DIAPH1: variants seen among roughly 807,000 people sequenced by gnomAD.
DIAPH1 encodes the protein diaphanous related formin 1, also known as protein diaphanous homolog 1.
In DIAPH1, 46 loss-of-function variants were observed where a neutral mutation model predicts 140.7. The observed-to-expected ratio is 0.33, with a 90% CI of 0.26 to 0.42. DIAPH1 has a LOEUF of 0.42. Among genes scored for constraint, DIAPH1 ranks in the 10% least tolerant of loss-of-function variants. The pLI, the probability that DIAPH1 is intolerant of heterozygous loss-of-function variation, is 1.00. For missense variants in DIAPH1, 1,310 were observed against 1,558.7 expected (o/e 0.84, Z 2.69); for synonymous variants, 565 against 551.6 (o/e 1.02, Z -0.34).
chr5:141,606,142 G>C (rs1308762122), intron 1 of DIAPH1, among the ~76,000 whole-genome samples: 1 of 151,860 alleles, frequency 6.6e-6, no homozygotes, highest in Non-Finnish European at 1.5e-5. Flanking sequence ...TATAGCTCTG[G>C]GTGGGAGTAT....
At chr5:141,522,598 A>C (rs1036329718) in intron 27 of DIAPH1, among the ~76,000 whole-genome samples, 2 of 149,516 alleles carry the variant, frequency 1.3e-5, no homozygotes, top group Non-Finnish European at 3.0e-5. Flanking sequence ...AAAAAAAAAA[A>C]CAATAAGATG....
intron 18 of DIAPH1, among the ~76,000 whole-genome samples, chr5:141,559,264 G>C: frequency 6.6e-6 from 1 of 152,184 alleles, no homozygotes; most frequent in East Asian, 1.9e-4. Flanking sequence ...GATAAATTCA[G>C]CACTTTAAAA....
chr5:141,612,463 A>G (rs73794941), intron 1 of DIAPH1, among the ~76,000 whole-genome samples: 11,014 of 152,346 alleles, frequency 0.072, 407 homozygotes, highest in South Asian at 0.12. Context: ...ATGTAATAGT[A>G]CTCAGCAATA....
At chr5:141,601,992 G>T (rs1400556456) in intron 1 of DIAPH1, among the ~76,000 whole-genome samples, 2 of 152,140 alleles carry the variant, frequency 1.3e-5, no homozygotes, top group African/African-American at 4.8e-5. Flanking sequence ...TATCACTACA[G>T]CCAAAAATAA....
intron 15 of DIAPH1, 111 bp from the exon 16 acceptor site, chr5:141,574,319 G>A (rs376725949): frequency 4.7e-6 from 5 of 1,068,962 alleles, no homozygotes; most frequent in South Asian, 1.4e-5. Flanking sequence ...ACAAATGGAG[G>A]AACTGAGAGG....
At chr5:141,577,308 T>C (rs2099896116) in intron 12 of DIAPH1, among the ~76,000 whole-genome samples, 167 bp downstream of exon 12, 1 of 152,192 alleles carries the variant, frequency 6.6e-6, no homozygotes. Flanking sequence ...TGCCTTTGAG[T>C]TGGATTAAAG....
chr5:141,534,863 T>TTAG (rs1186023488), intron 18 of DIAPH1, among the ~76,000 whole-genome samples: 1 of 152,194 alleles, frequency 6.6e-6, no homozygotes, highest in Non-Finnish European at 1.5e-5. Context: ...GAACAGTTGG[T>TTAG]TAGTAGTAGT....
chr5:141,516,688 C>G lies in DIAPH1; in HGVS notation c.*163G>C. The G allele has an allele frequency of 3.8e-6, 3 of 785,270 alleles. No homozygotes were observed. The South Asian group carries it at 4.7e-5, about 12-fold the overall frequency. 48.6% of individuals were successfully genotyped at this position (785,270 alleles called of 1,614,324 possible). A position where few individuals can be genotyped will look rare whatever the true frequency, so the allele number is the denominator to read the frequency against. On this transcript the variant is annotated 3_prime_UTR_variant, in exon 28 of 28. Coordinates refer to ENST00000389054, the MANE Select transcript of DIAPH1 (RefSeq NM_005219.5). ...CCTTCTGGCCTCCAGGCAGCTGAAG[C>G]TGTATGTGATGTTGAGAGAGCAGCA...
chr5:141,617,963 G>A (rs2099902949), intron 1 of DIAPH1, among the ~76,000 whole-genome samples: 1 of 152,230 alleles, frequency 6.6e-6, no homozygotes, highest in South Asian at 2.1e-4. Flanking sequence ...GTTATCATGG[G>A]AAATGTATAA....
At chr5:141,599,259 G>A (rs1436597139) in intron 1 of DIAPH1, among the ~76,000 whole-genome samples, 1 of 152,120 alleles carries the variant, frequency 6.6e-6, no homozygotes, top group Non-Finnish European at 1.5e-5. Flanking sequence ...GCTTCACATG[G>A]ACAGTTAATC....
At chr5:141,520,267 G>A (rs919003910) in intron 27 of DIAPH1, among the ~76,000 whole-genome samples, 3 of 152,202 alleles carry the variant, frequency 2.0e-5, no homozygotes, top group Non-Finnish European at 4.4e-5. Context: ...AGAATAAGCA[G>A]TGGTACAGGA....
At chr5:141,602,423 G>C (rs1195038133) in intron 1 of DIAPH1, among the ~76,000 whole-genome samples, 2 of 152,138 alleles carry the variant, frequency 1.3e-5, no homozygotes, top group Non-Finnish European at 2.9e-5. Context: ...CACCGTATTA[G>C]CCAGGATGGT....
At chr5:141,526,601 C>G in intron 24 of DIAPH1, 140 bp from the exon 25 acceptor site, 1 of 923,438 alleles carries the variant, frequency 1.1e-6, no homozygotes, top group South Asian at 1.4e-5. Context: ...AAAACCAAAG[C>G]CATGTAGGTA....
At chr5:141,582,873 A>C (rs2099896984) in intron 6 of DIAPH1, among the ~76,000 whole-genome samples, 1 of 152,208 alleles carries the variant, frequency 6.6e-6, no homozygotes, top group Admixed American at 6.5e-5. Context: ...AGTATATTAT[A>C]AGACTTCCAA....
Position 141,516,607 on chromosome 5 carries a change from A to G in DIAPH1, c.*244T>C. The G allele has an allele frequency of 1.8e-6, 1 of 562,082 alleles. No individual in the cohort carries two copies. The highest frequency in any genetic ancestry group is 5.0e-4 in the Middle Eastern group (1 of 2,016). 34.8% of individuals were successfully genotyped at this position (562,082 alleles called of 1,614,324 possible). On this transcript the variant is annotated 3_prime_UTR_variant, in exon 28 of 28. Transcript: ENST00000389054. ...CAGCAAACATGGACCCTGCTTTGGTAATACAACAGCCAGGGCTGGCTAAGT... is the reference window on the plus strand; with the variant it reads ...CAGCAAACATGGACCCTGCTTTGGTGATACAACAGCCAGGGCTGGCTAAGT...
At chr5:141,556,347 TCACCATAGGGATGCAGC>T (rs2099892572) in intron 18 of DIAPH1, among the ~76,000 whole-genome samples, 2 of 152,166 alleles carry the variant, frequency 1.3e-5, no homozygotes, top group Admixed American at 6.5e-5. Flanking sequence ...TACTCTAGAA[TCACCATAGGGATGCAGC>T]TATTACACAG....
At chr5:141,598,470 C>A (rs1467508028) in intron 1 of DIAPH1, among the ~76,000 whole-genome samples, 1 of 152,076 alleles carries the variant, frequency 6.6e-6, no homozygotes, top group East Asian at 1.9e-4. Flanking sequence ...TACAGTACAT[C>A]AAAAATAACA....
chr5:141,588,376 G>T, intron 1 of DIAPH1, 126 bp from the exon 2 acceptor site: 1 of 722,720 alleles, frequency 1.4e-6, no homozygotes, highest in Non-Finnish European at 2.5e-6. Flanking sequence ...GCTACTTTCT[G>T]CAAGCTAATG....
chr5:141,528,507 G>A lies in DIAPH1; in HGVS notation c.3094C>T (p.Pro1032Ser). Residue 1032 changes from proline to serine, a missense_variant, in exon 23 of 28, where the codon CCC becomes TCC. Transcript: ENST00000389054. Reference protein sequence around the residue: ...FLAELCENDYPDVLKFPDELA... With the variant: ...FLAELCENDYSDVLKFPDELA... ...TCGTCTGGAAACTTGAGGACATCGG[G>A]ATAGTCATTCTCACACAACTCAGCC... 1 of 1,614,204 alleles carries A rather than the reference G, an allele frequency of 6.2e-7. No homozygotes were observed. Among genetic ancestry groups the A allele is most frequent in the Non-Finnish European group, 8.5e-7 (1 of 1,180,032 alleles).
Sources: gnomAD v4.1 joint callset for allele counts (sites outside exome capture counted in the v4.1 genomes callset) on GRCh38, gnomAD v4.1.1 for gene constraint, MANE v1.5 for transcripts, NCBI Gene and HGNC (gene_info 2026-07-23, HGNC 2026-07-21) for gene names.